The following SV2C variants were observed in gnomAD, a reference collection of about 807,000 sequenced individuals.
SV2C encodes solute carrier family 22 member B3.
A neutral mutation model predicts 79.7 loss-of-function variants in SV2C; 49 were observed. The ratio of observed to expected loss-of-function variants is 0.61; its 90% CI spans 0.49 to 0.78. The LOEUF (loss-of-function observed/expected upper bound fraction) is 0.78, where lower values mean the gene tolerates loss of function less well. Ranked by LOEUF, SV2C falls within the 30% of genes least tolerant of loss-of-function variation. The pLI, the probability that SV2C is intolerant of heterozygous loss-of-function variation, is 0.00. For missense variants in SV2C, 833 were observed against 912.9 expected, an observed-to-expected ratio of 0.91 and a Z score of 1.13; for synonymous variants, 334 against 333.2, an observed-to-expected ratio of 1.00 and a Z score of -0.03.
At chr5:75,885,763 A>G in the SV2C span, among the ~76,000 whole-genome samples, 1 of 151,948 alleles carries the variant, frequency 6.6e-6, no homozygotes, top group African/African-American at 2.4e-5. Flanking sequence ...GCTGGCATCT[A>G]TGAACTTGTT....
the SV2C span, among the ~76,000 whole-genome samples, chr5:76,037,912 C>T: frequency 2.6e-5 from 4 of 152,316 alleles, no homozygotes; most frequent in Non-Finnish European, 5.9e-5. Flanking sequence ...GGCATAGGAC[C>T]CTCCAAGCCA....
At chr5:76,086,722 T>A (rs1747212912) in intron 1 of SV2C, among the ~76,000 whole-genome samples, 1 of 152,198 alleles carries the variant, frequency 6.6e-6, no homozygotes, top group Non-Finnish European at 1.5e-5. Context: ...GAGCAACCAG[T>A]GTAAAATGTT....
the SV2C span, among the ~76,000 whole-genome samples, chr5:75,954,548 A>T: frequency 9.9e-5 from 15 of 150,978 alleles, no homozygotes; most frequent in Non-Finnish European, 2.9e-5. Context: ...GGCCAGGACG[A>T]TCAGGCAGGA....
At chr5:75,877,598 CAAAA>C in the SV2C span, among the ~76,000 whole-genome samples, 2 of 133,134 alleles carry the variant, frequency 1.5e-5, no homozygotes, top group Admixed American at 7.5e-5. Context: ...AAATCAATAG[CAAAA>C]AAAAAAAAAA....
At chr5:76,195,121 T>G (rs1224721514) in intron 3 of SV2C, 22 bp downstream of exon 3, 2 of 1,607,346 alleles carry the variant, frequency 1.2e-6, no homozygotes, top group Admixed American at 1.7e-5. Flanking sequence ...TCCTTCATAT[T>G]TTATAGTAAT....
At chr5:76,341,821 G>C (rs1263052773) in intron 12 of SV2C, among the ~76,000 whole-genome samples, 1 of 152,052 alleles carries the variant, frequency 6.6e-6, no homozygotes, top group Non-Finnish European at 1.5e-5. Context: ...GGCATGTGGT[G>C]ATCATGGGAG....
the SV2C span, among the ~76,000 whole-genome samples, chr5:76,048,059 C>G: frequency 6.6e-6 from 1 of 152,150 alleles, no homozygotes; most frequent in Non-Finnish European, 1.5e-5. Context: ...AAGATTTTGT[C>G]ATTCCACAAT....
At chr5:76,097,989 G>A (rs187288504) in intron 1 of SV2C, among the ~76,000 whole-genome samples, 92 of 152,214 alleles carry the variant, frequency 6.0e-4, no homozygotes, top group Admixed American at 1.9e-3. Context: ...CAGGCAGTCC[G>A]AAGGCTTGTC....
At chr5:76,048,965 G>GAAGAAAGAAAGAAAGAA in the SV2C span, among the ~76,000 whole-genome samples, 1 of 58,164 alleles carries the variant, frequency 1.7e-5, no homozygotes, top group Non-Finnish European at 3.1e-5. Context: ...GAAAGAAAAA[G>GAAGAAAGAAAGAAAGAA]AGAAAGAAAG....
At chr5:75,998,374 G>C in the SV2C span, among the ~76,000 whole-genome samples, 3 of 151,970 alleles carry the variant, frequency 2.0e-5, no homozygotes, top group Non-Finnish European at 2.9e-5. Context: ...GGGTAGTAGA[G>C]AAATACTGAG....
At chr5:76,005,164 C>T in the SV2C span, among the ~76,000 whole-genome samples, 1 of 152,140 alleles carries the variant, frequency 6.6e-6, no homozygotes, top group Admixed American at 6.6e-5. Flanking sequence ...AGGAGGAGAC[C>T]AAGTGGGTGC....
At chr5:76,047,483 A>G in the SV2C span, among the ~76,000 whole-genome samples, 3 of 152,200 alleles carry the variant, frequency 2.0e-5, no homozygotes, top group Non-Finnish European at 4.4e-5. Flanking sequence ...ATCACAAGGT[A>G]TCTATTCATT....
chr5:75,922,773 C>T, the SV2C span, among the ~76,000 whole-genome samples: 16 of 152,188 alleles, frequency 1.1e-4, no homozygotes, highest in African/African-American at 3.6e-4. Flanking sequence ...AATTTAGGAA[C>T]CACATGTTTG....
the SV2C span, among the ~76,000 whole-genome samples, chr5:75,924,789 G>T: frequency 4.6e-5 from 7 of 151,392 alleles, no homozygotes; most frequent in African/African-American, 1.7e-4. Context: ...GAGTAAAGAA[G>T]TTTGATCATA....
At chr5:75,884,756 G>T in the SV2C span, among the ~76,000 whole-genome samples, 1 of 151,598 alleles carries the variant, frequency 6.6e-6, no homozygotes, top group African/African-American at 2.4e-5. Flanking sequence ...ACATCACACT[G>T]TACCCCATAA....
the SV2C span, among the ~76,000 whole-genome samples, chr5:75,934,508 G>A: frequency 6.6e-6 from 1 of 151,830 alleles, no homozygotes; most frequent in East Asian, 1.9e-4. Context: ...GAATGGTCTC[G>A]AACTTCTGAC....
chr5:76,303,805 G>A (rs1748093818), intron 12 of SV2C, among the ~76,000 whole-genome samples: 1 of 152,176 alleles, frequency 6.6e-6, no homozygotes, highest in Non-Finnish European at 1.5e-5. Context: ...TGTCAGGATG[G>A]GATTAAACAT....
chr5:76,136,187 GTGAAA>G (rs1749063551), intron 2 of SV2C, among the ~76,000 whole-genome samples: 1 of 152,226 alleles, frequency 6.6e-6, no homozygotes, highest in Non-Finnish European at 1.5e-5. Flanking sequence ...CTAATTAATA[GTGAAA>G]CATCCTGTGC....
chr5:75,979,707 C>A, the SV2C span, among the ~76,000 whole-genome samples: 4 of 152,116 alleles, frequency 2.6e-5, no homozygotes, highest in East Asian at 7.7e-4. Flanking sequence ...ATACCAGAAT[C>A]TCTGGGACAC....
Sources: allele counts gnomAD v4.1 joint callset (sites outside exome capture counted in the v4.1 genomes callset), GRCh38; gene constraint gnomAD v4.1.1; transcripts MANE v1.5; gene names NCBI Gene and HGNC (gene_info 2026-07-23, HGNC 2026-07-21).